Variants in ATP6V1E2 observed in about 807,000 individuals in gnomAD.
ATP6V1E2 encodes the protein V-type proton ATPase subunit E 2.
For missense variants in ATP6V1E2, 308 were observed against 273.3 expected (o/e 1.13, Z -0.90); for synonymous variants, 121 against 104.2 (o/e 1.16, Z -0.98).
Position 46,512,370 on chromosome 2 carries a change from C to G in ATP6V1E2, c.342G>C (p.Gly114=). ...RIVEDPEVYQ[G]LLDKLVLQGL... is the part of the protein sequence containing the mutation. ...CCTGGAGCACCAGTTTATCCAGCAG[C>G]CCCTGGTAGACCTCTGGGTCCTCCA... The change falls in exon 5 of 5, where the codon GGG becomes GGC. Residue 114 remains glycine (G), a synonymous_variant. Transcript: ENST00000522587. 1 of 1,614,068 alleles carries G rather than the reference C, an allele frequency of 6.2e-7. No individual in the cohort carries two copies. The highest frequency in any genetic ancestry group is 8.5e-7 in the Non-Finnish European group (1 of 1,180,018).
At chr2:46,532,319 TTTTGA>T (rs1392681292) in intron 4 of ATP6V1E2, among the ~76,000 whole-genome samples, 1 of 141,914 alleles carries the variant, frequency 7.0e-6, no homozygotes, top group Non-Finnish European at 1.5e-5. Context: ...CTGACTTCCT[TTTTGA>T]TTTTTTTTTT....
intron 2 of ATP6V1E2, among the ~76,000 whole-genome samples, chr2:46,539,953 T>C (rs780249209): frequency 3.3e-5 from 5 of 152,218 alleles, no homozygotes; most frequent in African/African-American, 4.8e-5. Context: ...GCTAATAAGT[T>C]CCTTGAATGG....
intron 2 of ATP6V1E2, chr2:46,537,365 T>C (rs985256479): frequency 1.3e-5 from 2 of 152,138 alleles, no homozygotes; most frequent in Admixed American, 6.5e-5. Context: ...ACCTGACAGT[T>C]TACTACCCAC....
chr2:46,542,036 G>A (rs1359751418), intron 1 of ATP6V1E2, 181 bp downstream of exon 1: 1 of 152,038 alleles, frequency 6.6e-6, no homozygotes, highest in Non-Finnish European at 1.5e-5. Context: ...GTGCTTCAGT[G>A]GTTCAACACG....
chr2:46,533,650 TG>T (rs1667299880), intron 4 of ATP6V1E2, among the ~76,000 whole-genome samples: 1 of 152,370 alleles, frequency 6.6e-6, no homozygotes, highest in South Asian at 2.1e-4. Flanking sequence ...TTACCATTTC[TG>T]GTGCTCTTCA....
At chr2:46,524,660 T>G (rs1666802424) in intron 4 of ATP6V1E2, among the ~76,000 whole-genome samples, 1 of 151,998 alleles carries the variant, frequency 6.6e-6, no homozygotes, top group Non-Finnish European at 1.5e-5. Context: ...AAGGGGCCAG[T>G]CAGGGAGGGA....
intron 4 of ATP6V1E2, chr2:46,534,745 C>T (rs1027047809): frequency 7.7e-6 from 1 of 130,380 alleles, no homozygotes; most frequent in Non-Finnish European, 1.6e-5. Context: ...CACTTTTCGG[C>T]TTAGTTAGCC....
Position 46,512,525 on chromosome 2 carries a change from G to A in ATP6V1E2, c.187C>T (p.Gln63Ter). 2.5e-6 allele frequency: 4 copies of A among 1,614,146 alleles called. No individual in the cohort carries two copies. Among genetic ancestry groups the A allele is most frequent in the Non-Finnish European group, 3.4e-6 (4 of 1,180,038 alleles). ...AGGATTTTCTTCTGCTGCTCTATCT[G>A]CTTCTCCTTTTTCTCATAATACTCC... ...IMEYYEKKEK[Q>*]IEQQKKILMS... The change falls in exon 5 of 5, where the codon CAG (glutamine) becomes TAG (stop). Residue 63 changes from glutamine (Q) to a stop codon, truncating the protein, a stop_gained. Coordinates refer to ENST00000522587, the MANE Select transcript of ATP6V1E2 (RefSeq NM_001318063.2). LOFTEE classifies it low-confidence loss of function (END_TRUNC).
Position 46,516,330 on chromosome 2 carries a change from C to A in ATP6V1E2, c.-101-3518G>T, listed in dbSNP as rs115588769. 5.6e-3 allele frequency among the ~76,000 whole-genome samples: 852 copies of A among 152,288 alleles called. 5 individuals are homozygous for A. The highest frequency in any genetic ancestry group is 0.02 in the African/African-American group (813 of 41,550). ...AGAAGATTGAAATCACACCAGGTAT[C>A]TTTTCAACTATATGGAATGAAACCG... On this transcript the variant is annotated intron_variant, in intron 4 of 4. Transcript: ENST00000522587.
chr2:46,511,884 A>G lies in ATP6V1E2; in HGVS notation c.*147T>C. ...ATTTGGGCTTTATTTCAAAGTTAAC[A>G]CTTTAGCTATCCAAAGGGTATTTCG... On this transcript the variant is annotated 3_prime_UTR_variant, in exon 5 of 5. Coordinates refer to ENST00000522587, the MANE Select transcript of ATP6V1E2 (RefSeq NM_001318063.2). 1.5e-6 allele frequency: 1 copy of G among 687,656 alleles called. No individual in the cohort carries two copies. The highest frequency in any genetic ancestry group is 2.3e-6 in the Non-Finnish European group (1 of 443,376). 42.6% of individuals were successfully genotyped at this position (687,656 alleles called of 1,614,324 possible). A position where few individuals can be genotyped will look rare whatever the true frequency, so the allele number is the denominator to read the frequency against.
chr2:46,524,048 A>C (rs554390852), intron 4 of ATP6V1E2, among the ~76,000 whole-genome samples: 1 of 152,254 alleles, frequency 6.6e-6, no homozygotes, highest in South Asian at 2.1e-4. Flanking sequence ...TTGTTAGTGT[A>C]AAGGAATACT....
At chr2:46,522,184 G>A (rs1443062300) in intron 4 of ATP6V1E2, among the ~76,000 whole-genome samples, 4 of 151,586 alleles carry the variant, frequency 2.6e-5, no homozygotes, top group Admixed American at 2.6e-4. Context: ...TAGCTACGTG[G>A]GAGGCTGAAG....
At position 46,536,694 on chromosome 2, in the gene ATP6V1E2, G is replaced by C. The variant is rs980350236; in HGVS notation, c.-300C>G. 1.3e-5 allele frequency: 2 copies of C among 152,214 alleles called. No homozygotes were observed. The highest frequency in any genetic ancestry group is 2.1e-4 in the South Asian group (1 of 4,834). The allele number at this position is 152,214 out of a possible 1,614,324, so 9.4% of individuals were successfully genotyped here. A position where few individuals can be genotyped will look rare whatever the true frequency, so the allele number is the denominator to read the frequency against. On this transcript the variant is annotated 5_prime_UTR_variant, in exon 3 of 5. Coordinates refer to ENST00000522587, the MANE Select transcript of ATP6V1E2 (RefSeq NM_001318063.2). ...TTCAGTCAGTATGGACTCCTGTATT[G>C]ACAATCCACCTGAAATTTGGAACAA...
At chr2:46,513,155 G>C (rs1393625574) in intron 4 of ATP6V1E2, among the ~76,000 whole-genome samples, 2 of 152,148 alleles carry the variant, frequency 1.3e-5, no homozygotes, top group Non-Finnish European at 2.9e-5. Flanking sequence ...CCACATTTGG[G>C]GTCAGGAGGG....
intron 4 of ATP6V1E2, among the ~76,000 whole-genome samples, chr2:46,520,480 C>A (rs537070610): frequency 1.3e-5 from 2 of 152,266 alleles, no homozygotes; most frequent in Non-Finnish European, 2.9e-5. Context: ...CCAAGCCAGA[C>A]TCGGCTCTCG....
At chr2:46,518,606 G>A (rs1666427903) in intron 4 of ATP6V1E2, among the ~76,000 whole-genome samples, 1 of 151,790 alleles carries the variant, frequency 6.6e-6, no homozygotes, top group Admixed American at 6.6e-5. Context: ...CCAAGCCCTT[G>A]GGTTCAATCT....
At chr2:46,516,004 A>G (rs1217074713) in intron 4 of ATP6V1E2, among the ~76,000 whole-genome samples, 1 of 152,226 alleles carries the variant, frequency 6.6e-6, no homozygotes, top group Non-Finnish European at 1.5e-5. Flanking sequence ...TATGTACCCA[A>G]CATCAGAGCA....
At chr2:46,521,296 G>A (rs1298392986) in intron 4 of ATP6V1E2, among the ~76,000 whole-genome samples, 4 of 152,198 alleles carry the variant, frequency 2.6e-5, no homozygotes, top group East Asian at 1.9e-4. Context: ...TCTTGGGGAA[G>A]TACCAAATCC....
chr2:46,537,485 T>A (rs1410782570), intron 2 of ATP6V1E2: 1 of 152,090 alleles, frequency 6.6e-6, no homozygotes, highest in African/African-American at 2.4e-5. Flanking sequence ...ACATGGTATA[T>A]GGATGGTGAT....
Sources: gnomAD v4.1 joint callset for allele counts (sites outside exome capture counted in the v4.1 genomes callset) on GRCh38, gnomAD v4.1.1 for gene constraint, MANE v1.5 for transcripts, NCBI Gene and HGNC (gene_info 2026-07-23, HGNC 2026-07-21) for gene names.